The following TPD52 variants were observed in gnomAD, a reference collection of about 807,000 sequenced individuals.
TPD52 encodes tumor protein D52, also known as prostate and colon associated protein.
A neutral mutation model predicts 31.3 loss-of-function variants in TPD52; 17 were observed. That is an observed-to-expected ratio of 0.54 (90% confidence interval 0.37 to 0.82). TPD52 has a LOEUF of 0.82. TPD52 is among the 40% of genes least tolerant of loss of function. The pLI is 0.00. For missense variants in TPD52, 212 were observed against 240.1 expected, an observed-to-expected ratio of 0.88 and a Z score of 0.77; for synonymous variants, 83 against 89.6, an observed-to-expected ratio of 0.93 and a Z score of 0.42.
chr8:80,052,917 C>A, intron 3 of TPD52: 1 of 237,992 alleles, frequency 4.2e-6, no homozygotes, highest in South Asian at 5.0e-5. Context: ...GACATGAAAA[C>A]TTAATTTGTC....
intron 1 of TPD52, among the ~76,000 whole-genome samples, chr8:80,155,609 C>T (rs539811267): frequency 1.3e-5 from 2 of 152,186 alleles, no homozygotes; most frequent in African/African-American, 2.4e-5. Context: ...AAGGGCCAGG[C>T]GCGGTGGCTC....
intron 1 of TPD52, among the ~76,000 whole-genome samples, chr8:80,170,509 G>A (rs1812008876): frequency 6.6e-6 from 1 of 152,098 alleles, no homozygotes; most frequent in Non-Finnish European, 1.5e-5. Flanking sequence ...CACACATGAC[G>A]GCACATACTG....
In TPD52 at chr8:80,070,055, T is replaced by C. The variant is rs1271925777; in HGVS notation, c.20-5462A>G. Among the ~76,000 whole-genome samples, 5 of 152,316 alleles carry C rather than the reference T, an allele frequency of 3.3e-5. No individual in the cohort carries two copies. In the East Asian group the frequency reaches 9.6e-4, roughly 29 times the overall value. On this transcript the variant is annotated intron_variant, in intron 1 of 7. Transcript: ENST00000518937. Reference sequence around the variant, plus strand: ...TAATTAAAGTAGCTCTCTCTTTACTTTCCCATGCATAACCACCCATTTGCC... The same window carrying C: ...TAATTAAAGTAGCTCTCTCTTTACTCTCCCATGCATAACCACCCATTTGCC...
At chr8:80,086,229 T>A (rs1199059446) in intron 1 of TPD52, among the ~76,000 whole-genome samples, 1 of 145,766 alleles carries the variant, frequency 6.9e-6, no homozygotes, top group Non-Finnish European at 1.5e-5. Context: ...GTGATTCTCC[T>A]AACCTCAGTC....
intron 2 of TPD52, among the ~76,000 whole-genome samples, chr8:80,057,675 A>G (rs1268081839): frequency 6.6e-6 from 1 of 152,186 alleles, no homozygotes; most frequent in Admixed American, 6.5e-5. Context: ...AGAAGTGGAG[A>G]GGGAGAGTTG....
At chr8:80,090,221 G>A (rs2130878148) in intron 1 of TPD52, among the ~76,000 whole-genome samples, 1 of 152,138 alleles carries the variant, frequency 6.6e-6, no homozygotes, top group Admixed American at 6.5e-5. Context: ...GCGAGGCCCT[G>A]GCTCTACAAA....
At chr8:80,158,264 A>C (rs1288431431) in intron 1 of TPD52, among the ~76,000 whole-genome samples, 169 of 117,668 alleles carry the variant, frequency 1.4e-3, no homozygotes, top group Admixed American at 1.7e-3. Context: ...TCCCCACCCC[A>C]CTCCTCTTCA....
At chr8:80,039,475 T>C (rs1038640638) in intron 7 of TPD52, among the ~76,000 whole-genome samples, 8 of 152,076 alleles carry the variant, frequency 5.3e-5, no homozygotes, top group African/African-American at 1.4e-4. Context: ...CTTGGTCCCA[T>C]TGCACTAACT....
chr8:80,057,571 A>G (rs1196726971), intron 2 of TPD52, among the ~76,000 whole-genome samples: 1 of 152,210 alleles, frequency 6.6e-6, no homozygotes, highest in East Asian at 1.9e-4. Flanking sequence ...ACAAAAATGG[A>G]AAACCAAATA....
chr8:80,088,400 GGTTA>G (rs1305210368), intron 1 of TPD52, among the ~76,000 whole-genome samples: 1 of 152,192 alleles, frequency 6.6e-6, no homozygotes, highest in Non-Finnish European at 1.5e-5. Flanking sequence ...AATAACACGA[GGTTA>G]GTCATGTTAT....
At chr8:80,052,117 G>A (rs942194581) in intron 3 of TPD52, among the ~76,000 whole-genome samples, 19 of 152,092 alleles carry the variant, frequency 1.2e-4, no homozygotes, top group African/African-American at 4.6e-4. Context: ...ACATTTTATG[G>A]GCATACTTTC....
intron 1 of TPD52, among the ~76,000 whole-genome samples, chr8:80,107,996 A>G (rs1444685949): frequency 2.0e-5 from 3 of 152,158 alleles, no homozygotes; most frequent in Non-Finnish European, 2.9e-5. Context: ...TCATGGAAGT[A>G]AAAAACTGTG....
intron 1 of TPD52, among the ~76,000 whole-genome samples, chr8:80,160,870 A>C: frequency 7.9e-6 from 1 of 127,252 alleles, no homozygotes; most frequent in African/African-American, 3.0e-5. Flanking sequence ...GAGGCAAAAC[A>C]CCATCTCTAC....
intron 1 of TPD52, among the ~76,000 whole-genome samples, chr8:80,114,045 G>C (rs1807689776): frequency 6.6e-6 from 1 of 152,166 alleles, no homozygotes; most frequent in Non-Finnish European, 1.5e-5. Flanking sequence ...AGGAGTTCAA[G>C]ACCAGCCTGG....
At chr8:80,124,236 G>C (rs1808452909) in intron 1 of TPD52, among the ~76,000 whole-genome samples, 1 of 151,174 alleles carries the variant, frequency 6.6e-6, no homozygotes, top group Non-Finnish European at 1.5e-5. Context: ...CACAATCTTT[G>C]CTCACTGCAA....
At chr8:80,076,817 G>T (rs183666148) in intron 1 of TPD52, among the ~76,000 whole-genome samples, 2 of 152,116 alleles carry the variant, frequency 1.3e-5, no homozygotes, top group Non-Finnish European at 2.9e-5. Flanking sequence ...GACCACAGAC[G>T]TGTGCCACCA....
intron 5 of TPD52, among the ~76,000 whole-genome samples, chr8:80,048,577 T>G (rs1003778992): frequency 5.9e-5 from 9 of 152,248 alleles, no homozygotes; most frequent in African/African-American, 1.9e-4. Context: ...AAGCTCCCTT[T>G]CCTTGGGTAG....
downstream of TPD52, chr8:80,033,325 G>C (rs1474431228): frequency 1.5e-5 from 2 of 133,134 alleles, no homozygotes; most frequent in East Asian, 4.6e-4. Flanking sequence ...GGTTGGGGGG[G>C]GGACATTGTT....
intron 1 of TPD52, among the ~76,000 whole-genome samples, chr8:80,169,702 G>T (rs553856012): frequency 1.8e-4 from 27 of 152,272 alleles, no homozygotes; most frequent in Admixed American, 1.4e-3. Flanking sequence ...AAATACACAT[G>T]GGCACGTTTG....
Sources: allele counts gnomAD v4.1 joint callset (sites outside exome capture counted in the v4.1 genomes callset), GRCh38; gene constraint gnomAD v4.1.1; transcripts MANE v1.5; gene names NCBI Gene and HGNC (gene_info 2026-07-23, HGNC 2026-07-21).